PATJ: variants seen among roughly 807,000 people sequenced by gnomAD.
The protein encoded by PATJ is inaD-like protein.
Under a neutral mutation model 224.9 loss-of-function variants are expected in PATJ, and 190 were observed. The ratio of observed to expected loss-of-function variants is 0.84; its 90% confidence interval spans 0.75 to 0.95. The LOEUF is 0.95. Among genes scored for constraint, PATJ ranks in the 40% least tolerant of loss-of-function variants. The pLI is 0.00. For synonymous variants in PATJ, 769 were observed against 820.3 expected, an observed-to-expected ratio of 0.94 and a Z score of 1.07; for missense variants, 2,121 against 2,270.3, an observed-to-expected ratio of 0.93 and a Z score of 1.34.
At chr1:62,146,421 T>C (rs1397616339) in intron 41 of PATJ, among the ~76,000 whole-genome samples, 2 of 152,154 alleles carry the variant, frequency 1.3e-5, no homozygotes, top group Non-Finnish European at 2.9e-5. Context: ...CTAGCCGCTA[T>C]GGATGGAGGG....
At chr1:61,822,633 A>G (rs750540466) in intron 14 of PATJ, among the ~76,000 whole-genome samples, 20 of 152,142 alleles carry the variant, frequency 1.3e-4, no homozygotes, top group Non-Finnish European at 2.6e-4. Flanking sequence ...GTCCCATAGA[A>G]AAGTGAAACA....
intron 34 of PATJ, among the ~76,000 whole-genome samples, chr1:62,111,047 C>T (rs1265182557): frequency 6.6e-6 from 1 of 152,204 alleles, no homozygotes; most frequent in Non-Finnish European, 1.5e-5. Context: ...AAATGGAAAC[C>T]ATGAACTTAG....
At chr1:61,949,179 T>C (rs1449568474) in intron 27 of PATJ, among the ~76,000 whole-genome samples, 1 of 151,712 alleles carries the variant, frequency 6.6e-6, no homozygotes, top group Non-Finnish European at 1.5e-5. Context: ...AACCTGTACA[T>C]TGTGCACGTG....
chr1:61,907,722 G>A (rs1672046812), intron 24 of PATJ, among the ~76,000 whole-genome samples: 1 of 152,154 alleles, frequency 6.6e-6, no homozygotes, highest in Admixed American at 6.6e-5. Flanking sequence ...TTATAGGTTT[G>A]AAAAATTAGT....
At chr1:61,761,265 C>G (rs1465228735) in intron 1 of PATJ, among the ~76,000 whole-genome samples, 1 of 152,096 alleles carries the variant, frequency 6.6e-6, no homozygotes, top group African/African-American at 2.4e-5. Context: ...TGAGCCACTG[C>G]TCCTGGCCTG....
chr1:61,994,361 AATAC>A (rs1645235775), intron 28 of PATJ, among the ~76,000 whole-genome samples: 1 of 152,202 alleles, frequency 6.6e-6, no homozygotes, highest in African/African-American at 2.4e-5. Flanking sequence ...GCAATACCTT[AATAC>A]ATTTCAGATG....
chr1:61,969,866 G>T (rs542886333), intron 27 of PATJ, among the ~76,000 whole-genome samples: 1 of 151,922 alleles, frequency 6.6e-6, no homozygotes, highest in South Asian at 2.1e-4. Context: ...GCTAATTTTG[G>T]TATTTTTAGT....
chr1:61,882,470 C>T (rs1016459732), intron 21 of PATJ, among the ~76,000 whole-genome samples: 7 of 152,092 alleles, frequency 4.6e-5, no homozygotes, highest in African/African-American at 1.7e-4. Flanking sequence ...GAGGTAATCG[C>T]GATTTGGTTT....
At chr1:61,952,337 G>GT (rs1679837088) in intron 27 of PATJ, 1 of 708,156 alleles carries the variant, frequency 1.4e-6, no homozygotes. Flanking sequence ...TTTGAGCTGC[G>GT]TCCAGCATTG....
At chr1:61,955,002 C>A (rs570117003) in intron 27 of PATJ, among the ~76,000 whole-genome samples, 1 of 152,262 alleles carries the variant, frequency 6.6e-6, no homozygotes, top group East Asian at 1.9e-4. Context: ...ATCCTCCAGC[C>A]TCGGCCTCCC....
intron 31 of PATJ, among the ~76,000 whole-genome samples, chr1:62,058,970 G>A (rs1218968377): frequency 6.6e-6 from 1 of 152,112 alleles, no homozygotes; most frequent in African/African-American, 2.4e-5. Flanking sequence ...TAAAAATCCA[G>A]GTTTCCATTT....
rs1053731101 is a variant in PATJ at position 61,884,228 on chromosome 1, G to A, written c.2960-9G>A. On this transcript the variant is annotated splice_polypyrimidine_tract_variant and intron_variant, in intron 21 of 43. Transcript: ENST00000642238. ...CTTGTGTTCACTGTCATCTGGATTT[G>A]CTCTTCAGGCATGATCCCGAATGAT... The A allele has an allele frequency of 3.5e-5, 56 of 1,578,702 alleles. No individual in the cohort carries two copies. In the Admixed American group the frequency reaches 1.0e-3, roughly 29 times the overall value.
At chr1:62,047,133 C>T (rs1302244052) in intron 30 of PATJ, among the ~76,000 whole-genome samples, 1 of 152,220 alleles carries the variant, frequency 6.6e-6, no homozygotes, top group Non-Finnish European at 1.5e-5. Flanking sequence ...TGAATGTTTT[C>T]AGCTGACGCC....
chr1:61,860,127 A>G (rs1664318348), intron 18 of PATJ, among the ~76,000 whole-genome samples: 1 of 152,212 alleles, frequency 6.6e-6, no homozygotes. Context: ...TTTTCATCTT[A>G]GCTCTTTTCT....
At chr1:61,898,689 T>C (rs1299412798) in intron 22 of PATJ, among the ~76,000 whole-genome samples, 1 of 152,226 alleles carries the variant, frequency 6.6e-6, no homozygotes, top group African/African-American at 2.4e-5. Context: ...GGACTCCTGA[T>C]TTCTCTTCCA....
intron 26 of PATJ, among the ~76,000 whole-genome samples, chr1:61,915,437 C>G (rs1269135893): frequency 6.6e-6 from 1 of 152,028 alleles, no homozygotes; most frequent in African/African-American, 2.4e-5. Flanking sequence ...AGAGCACTTT[C>G]TTTTATATGT....
At chr1:61,752,962 G>T (rs1317950591) in intron 1 of PATJ, among the ~76,000 whole-genome samples, 1 of 152,172 alleles carries the variant, frequency 6.6e-6, no homozygotes, top group Non-Finnish European at 1.5e-5. Flanking sequence ...GGCAGCAGAT[G>T]TATTTATTTG....
intron 27 of PATJ, among the ~76,000 whole-genome samples, chr1:61,968,916 C>T (rs1450434967): frequency 6.6e-6 from 1 of 152,200 alleles, no homozygotes; most frequent in Non-Finnish European, 1.5e-5. Context: ...ACCACCATTA[C>T]AGTTTCTGTT....
chr1:62,084,749 G>C (rs1025972766), intron 33 of PATJ, 101 bp downstream of exon 33: 2 of 1,137,668 alleles, frequency 1.8e-6, no homozygotes, highest in African/African-American at 3.1e-5. Flanking sequence ...CTTTTTCATA[G>C]TATGAGGAGA....
Sources: allele counts gnomAD v4.1 joint callset (sites outside exome capture counted in the v4.1 genomes callset), GRCh38; gene constraint gnomAD v4.1.1; transcripts MANE v1.5; gene names NCBI Gene and HGNC (gene_info 2026-07-23, HGNC 2026-07-21).